Variants in RNLS observed in about 807,000 individuals in gnomAD.
RNLS encodes renalase.
RNLS carries 39 observed loss-of-function variants against 39.8 expected under a neutral mutation model. The observed-to-expected ratio is 0.98, with a 90% CI of 0.76 to 1.28. The LOEUF is 1.28. Among genes scored for constraint, RNLS ranks in the 50% most tolerant of loss-of-function variants. The pLI, the probability that RNLS is intolerant of heterozygous loss-of-function variation, is 0.00. For missense variants in RNLS, 410 were observed against 413.3 expected, an observed-to-expected ratio of 0.99 and a Z score of 0.07; for synonymous variants, 147 against 150.7, an observed-to-expected ratio of 0.98 and a Z score of 0.18.
chr10:88,196,315 A>G, the RNLS span, among the ~76,000 whole-genome samples: 1 of 152,216 alleles, frequency 6.6e-6, no homozygotes, highest in African/African-American at 2.4e-5. Context: ...TTTCTGGCAA[A>G]TCGTTTGAAA....
chr10:88,582,286 C>G lies in RNLS; in HGVS notation c.140G>C (p.Cys47Ser). The G allele has an allele frequency of 6.2e-7, 1 of 1,613,846 alleles. No homozygotes were observed. The highest frequency in any genetic ancestry group is 8.5e-7 in the Non-Finnish European group (1 of 1,179,842). ...TGTGCACTGAGGATTATGAGGACTG[C>G]AGGCTGTAGTCATTCTTCCCCCTTG... is the stretch of plus-strand genomic sequence containing the variant. Reference protein sequence around the residue: ...EDSGGRMTTACSPHNPQCTAD... With the variant: ...EDSGGRMTTASSPHNPQCTAD... The change falls in exon 2 of 7, where the codon TGC (cysteine) becomes TCC (serine). Residue 47 changes from cysteine to serine, a missense_variant. Cys to Ser is a moderately radical substitution (Grantham distance 112). Transcript: ENST00000331772.
chr10:88,458,613 T>C (rs555108861), intron 4 of RNLS, among the ~76,000 whole-genome samples: 1 of 152,258 alleles, frequency 6.6e-6, no homozygotes, highest in South Asian at 2.1e-4. Flanking sequence ...TTTTTCTATA[T>C]AGAGGTATTG....
intron 4 of RNLS, among the ~76,000 whole-genome samples, chr10:88,470,626 T>TC (rs1843468159): frequency 6.6e-6 from 1 of 151,214 alleles, no homozygotes; most frequent in Non-Finnish European, 1.5e-5. Flanking sequence ...AATTTTTTTT[T>TC]TTTTTTTGAG....
intron 4 of RNLS, among the ~76,000 whole-genome samples, chr10:88,565,680 A>G (rs1194590901): frequency 3.9e-5 from 6 of 152,074 alleles, no homozygotes; most frequent in Admixed American, 3.9e-4. Context: ...CACTAAAAAA[A>G]AAGGAAAGAA....
At chr10:88,340,246 T>C (rs56337532) in intron 5 of RNLS, among the ~76,000 whole-genome samples, 381 of 152,364 alleles carry the variant, frequency 2.5e-3, no homozygotes, top group Non-Finnish European at 3.7e-3. Context: ...TAGGAAGTTC[T>C]GAACCAGAGA....
chr10:88,392,189 T>G (rs1852248191), intron 4 of RNLS, among the ~76,000 whole-genome samples: 1 of 152,182 alleles, frequency 6.6e-6, no homozygotes, highest in South Asian at 2.1e-4. Context: ...AGGCAGTACA[T>G]AAGAGTTGAA....
intron 4 of RNLS, among the ~76,000 whole-genome samples, chr10:88,373,257 A>C (rs1850711281): frequency 6.6e-6 from 1 of 152,224 alleles, no homozygotes; most frequent in African/African-American, 2.4e-5. Context: ...TTTGGAAATC[A>C]GAAAGCACTG....
chr10:88,200,065 G>T, the RNLS span, among the ~76,000 whole-genome samples: 1 of 152,180 alleles, frequency 6.6e-6, no homozygotes, highest in African/African-American at 2.4e-5. Flanking sequence ...GGAGGTCAAG[G>T]TTGCAGTGAG....
At chr10:88,457,324 G>A (rs1297519966) in intron 4 of RNLS, among the ~76,000 whole-genome samples, 1 of 152,210 alleles carries the variant, frequency 6.6e-6, no homozygotes, top group African/African-American at 2.4e-5. Context: ...GCTAAAGGAG[G>A]TAATAAAGTA....
chr10:88,319,472 T>C (rs957608852), intron 5 of RNLS, among the ~76,000 whole-genome samples: 1 of 151,904 alleles, frequency 6.6e-6, no homozygotes, highest in Non-Finnish European at 1.5e-5. Flanking sequence ...ATTCAAAATA[T>C]GGATTTTAAG....
intron 4 of RNLS, among the ~76,000 whole-genome samples, chr10:88,394,745 G>A (rs368669971): frequency 7.9e-5 from 12 of 152,208 alleles, no homozygotes; most frequent in South Asian, 4.2e-4. Context: ...ACATGCACAC[G>A]TATGTTTATA....
intron 4 of RNLS, among the ~76,000 whole-genome samples, chr10:88,367,055 A>T (rs1025155459): frequency 2.6e-5 from 4 of 151,980 alleles, no homozygotes; most frequent in African/African-American, 9.7e-5. Flanking sequence ...CACACAATAT[A>T]TGTACACATA....
At chr10:88,355,264 CATTCCTT>C (rs1305003392) in intron 5 of RNLS, among the ~76,000 whole-genome samples, 1 of 152,220 alleles carries the variant, frequency 6.6e-6, no homozygotes, top group Non-Finnish European at 1.5e-5. Context: ...TGAGGAGCTG[CATTCCTT>C]TGGAGGAGGA....
chr10:88,392,948 T>C (rs1852299505), intron 4 of RNLS, among the ~76,000 whole-genome samples: 1 of 152,164 alleles, frequency 6.6e-6, no homozygotes, highest in South Asian at 2.1e-4. Flanking sequence ...CATGATTATC[T>C]CAATAGATGC....
chr10:88,546,208 G>A (rs1336672273), intron 4 of RNLS, among the ~76,000 whole-genome samples: 1 of 151,962 alleles, frequency 6.6e-6, no homozygotes, highest in African/African-American at 2.4e-5. Flanking sequence ...AGTATCATAA[G>A]TATGTTTGAG....
chr10:88,330,473 T>C (rs1265849712), intron 5 of RNLS, among the ~76,000 whole-genome samples: 8 of 152,150 alleles, frequency 5.3e-5, no homozygotes, highest in Non-Finnish European at 1.0e-4. Context: ...CTTAAGCTGA[T>C]GGTTTATAGC....
the RNLS span, among the ~76,000 whole-genome samples, chr10:88,240,415 A>ATTTTT: frequency 1.0e-4 from 12 of 116,130 alleles, no homozygotes; most frequent in Admixed American, 2.5e-4. Flanking sequence ...CCTTTTTTTA[A>ATTTTT]AAAAAAAAAA....
chr10:88,451,372 A>G (rs1265410055), intron 4 of RNLS, among the ~76,000 whole-genome samples: 1 of 152,138 alleles, frequency 6.6e-6, no homozygotes, highest in Non-Finnish European at 1.5e-5. Flanking sequence ...ATCCCCTGTG[A>G]GAGAAGCCCC....
At chr10:88,340,509 C>T (rs1422656492) in intron 5 of RNLS, among the ~76,000 whole-genome samples, 1 of 151,722 alleles carries the variant, frequency 6.6e-6, no homozygotes, top group Non-Finnish European at 1.5e-5. Flanking sequence ...TACATTTTTA[C>T]ATTCCTGTAA....
Sources: gnomAD v4.1 joint callset for allele counts (sites outside exome capture counted in the v4.1 genomes callset) on GRCh38, gnomAD v4.1.1 for gene constraint, MANE v1.5 for transcripts, NCBI Gene and HGNC (gene_info 2026-07-23, HGNC 2026-07-21) for gene names.